The following CCDC91 variants were observed in gnomAD, a reference collection of about 807,000 sequenced individuals.
The protein encoded by CCDC91 is coiled-coil domain containing 91.
A neutral mutation model predicts 63.2 loss-of-function variants in CCDC91; 48 were observed. The ratio of observed to expected loss-of-function variants is 0.76; its 90% CI spans 0.60 to 0.97. The LOEUF (loss-of-function observed/expected upper bound fraction) is 0.97. Among genes scored for constraint, CCDC91 ranks in the 50% least tolerant of loss-of-function variants. CCDC91 has a pLI of 0.00. For missense variants in CCDC91, 500 were observed against 494.6 expected, an observed-to-expected ratio of 1.01 and a Z score of -0.10; for synonymous variants, 167 against 165.8, an observed-to-expected ratio of 1.01 and a Z score of -0.06.
chr12:28,538,427 G>T (rs1312704630), intron 12 of CCDC91, among the ~76,000 whole-genome samples: 2 of 151,880 alleles, frequency 1.3e-5, no homozygotes, highest in Admixed American at 1.3e-4. Context: ...CCCTACAAAG[G>T]ACATGAACTC....
intron 1 of CCDC91, among the ~76,000 whole-genome samples, chr12:28,248,536 A>C (rs1170246640): frequency 6.6e-6 from 1 of 152,226 alleles, no homozygotes; most frequent in Non-Finnish European, 1.5e-5. Context: ...TTAGAAAACT[A>C]GGAAGAAGGA....
chr12:28,197,673 T>C (rs965114739), intron 1 of CCDC91, among the ~76,000 whole-genome samples: 2 of 152,106 alleles, frequency 1.3e-5, no homozygotes, highest in South Asian at 2.1e-4. Context: ...TTATTTTAGG[T>C]ATTTTGTATA....
intron 11 of CCDC91, among the ~76,000 whole-genome samples, chr12:28,467,234 A>G (rs976327334): frequency 1.3e-5 from 2 of 152,094 alleles, no homozygotes; most frequent in African/African-American, 4.8e-5. Context: ...CACTTTATGT[A>G]TAAAGTCACA....
chr12:28,408,617 T>C lies in CCDC91; in HGVS notation c.762+17206T>C, dbSNP rs956725298. Among the ~76,000 whole-genome samples, 23 of 152,224 alleles carry C rather than the reference T, an allele frequency of 1.5e-4. 1 individual carries two copies. The highest frequency in any genetic ancestry group is 1.3e-3 in the Admixed American group (20 of 15,276). ...TTGAGAAGTGTCTGTCCATATACTTTGCTCACTTTTTGATGGTTTATTTTT... is the reference window on the plus strand; with the variant it reads ...TTGAGAAGTGTCTGTCCATATACTTCGCTCACTTTTTGATGGTTTATTTTT... On this transcript the variant is annotated intron_variant, in intron 8 of 12. Transcript: ENST00000536442.
At chr12:28,479,874 C>T (rs1213331412) in intron 11 of CCDC91, among the ~76,000 whole-genome samples, 1 of 151,906 alleles carries the variant, frequency 6.6e-6, no homozygotes, top group Non-Finnish European at 1.5e-5. Flanking sequence ...TTTGATATAT[C>T]ATATGGGGTG....
intron 12 of CCDC91, among the ~76,000 whole-genome samples, chr12:28,487,152 A>G (rs1052341274): frequency 2.0e-5 from 3 of 151,872 alleles, no homozygotes; most frequent in African/African-American, 7.2e-5. Flanking sequence ...GAAGATTAAA[A>G]CTGATTTAAT....
intron 6 of CCDC91, among the ~76,000 whole-genome samples, chr12:28,317,893 C>A (rs762864035): frequency 1.2e-4 from 18 of 151,772 alleles, no homozygotes; most frequent in African/African-American, 1.7e-4. Flanking sequence ...TCCTAATAAG[C>A]ACCTTAAGTC....
chr12:28,304,375 T>TAAAAAAAAAAAAAA (rs777296414), intron 3 of CCDC91, among the ~76,000 whole-genome samples: 75 of 73,554 alleles, frequency 1.0e-3, no homozygotes, highest in Middle Eastern at 8.6e-3. Flanking sequence ...AGACTCCGTC[T>TAAAAAAAAAAAAAA]AAAAAAAAAA....
intron 11 of CCDC91, among the ~76,000 whole-genome samples, chr12:28,459,673 C>G (rs1950213884): frequency 6.6e-6 from 1 of 152,130 alleles, no homozygotes; most frequent in South Asian, 2.1e-4. Context: ...CTTTCAGCTT[C>G]AGAAAAATGT....
At chr12:28,466,459 A>G (rs1280185019) in intron 11 of CCDC91, among the ~76,000 whole-genome samples, 1 of 152,198 alleles carries the variant, frequency 6.6e-6, no homozygotes, top group Non-Finnish European at 1.5e-5. Context: ...GCATCCTAAA[A>G]GCAGCAAGCG....
intron 6 of CCDC91, 21 bp from the exon 7 acceptor site, chr12:28,362,411 ATGGTTT>A (rs776023207): frequency 2.3e-5 from 34 of 1,487,400 alleles, no homozygotes; most frequent in Non-Finnish European, 3.0e-5. Flanking sequence ...AGAAAAACTC[ATGGTTT>A]TAGTTTCTTT....
chr12:28,216,068 A>G (rs1159668506), intron 1 of CCDC91, among the ~76,000 whole-genome samples: 1 of 152,094 alleles, frequency 6.6e-6, no homozygotes, highest in Non-Finnish European at 1.5e-5. Flanking sequence ...TTAAGTAAAG[A>G]AGGAGTAATC....
At chr12:28,307,984 T>C (rs977091168) in intron 6 of CCDC91, among the ~76,000 whole-genome samples, 3 of 152,068 alleles carry the variant, frequency 2.0e-5, no homozygotes, top group African/African-American at 4.8e-5. Context: ...GTAAGAAATA[T>C]TCTGTTTCTG....
intron 12 of CCDC91, among the ~76,000 whole-genome samples, chr12:28,529,017 A>G (rs1256132401): frequency 1.3e-5 from 2 of 152,078 alleles, no homozygotes; most frequent in Admixed American, 6.6e-5. Flanking sequence ...ATGTATATGT[A>G]TGTATGTATA....
intron 1 of CCDC91, among the ~76,000 whole-genome samples, chr12:28,218,858 A>G (rs1187273716): frequency 3.3e-5 from 5 of 152,120 alleles, no homozygotes; most frequent in Non-Finnish European, 7.4e-5. Flanking sequence ...TGGATGTACC[A>G]TTATTCCTTT....
chr12:28,533,246 A>G (rs1941887840), intron 12 of CCDC91, among the ~76,000 whole-genome samples: 1 of 152,100 alleles, frequency 6.6e-6, no homozygotes, highest in Admixed American at 6.6e-5. Context: ...CTATTTTAAA[A>G]TATTTTCATT....
At chr12:28,325,726 C>T (rs966469835) in intron 6 of CCDC91, among the ~76,000 whole-genome samples, 5 of 151,764 alleles carry the variant, frequency 3.3e-5, no homozygotes, top group African/African-American at 1.2e-4. Context: ...ATCTATTAAA[C>T]CAGTGTTGCT....
intron 1 of CCDC91, among the ~76,000 whole-genome samples, chr12:28,252,383 G>A (rs956043145): frequency 6.6e-6 from 1 of 151,488 alleles, no homozygotes; most frequent in African/African-American, 2.4e-5. Flanking sequence ...TGTCTTTCTT[G>A]AACTCCTAGA....
At chr12:28,449,004 A>T (rs186655190) in intron 8 of CCDC91, among the ~76,000 whole-genome samples, 57 of 152,232 alleles carry the variant, frequency 3.7e-4, no homozygotes, top group Admixed American at 3.1e-3. Flanking sequence ...TAGCTGCCTT[A>T]CATAATTTCA....
Sources: allele counts gnomAD v4.1 joint callset (sites outside exome capture counted in the v4.1 genomes callset), GRCh38; gene constraint gnomAD v4.1.1; transcripts MANE v1.5; gene names NCBI Gene and HGNC (gene_info 2026-07-23, HGNC 2026-07-21).